RLN2: variants seen among roughly 807,000 people sequenced by gnomAD.
The protein encoded by RLN2 is prorelaxin H2.
In RLN2, 10 loss-of-function variants were observed where a neutral mutation model predicts 7.3. The observed-to-expected ratio is 1.36, with a 90% CI of 0.84 to 2.31. RLN2 has a LOEUF of 2.31. RLN2 is among the 30% of genes most tolerant of loss of function. The pLI, the probability that RLN2 is intolerant of heterozygous loss-of-function variation, is 0.00. For missense variants in RLN2, 298 were observed against 217.6 expected (o/e 1.37, Z -2.32); for synonymous variants, 103 against 82.3 (o/e 1.25, Z -1.36).
chr9:5,319,285 C>A, the RLN2 span, among the ~76,000 whole-genome samples: 3 of 151,870 alleles, frequency 2.0e-5, no homozygotes, highest in Admixed American at 6.6e-5. Flanking sequence ...TCCTGATGAA[C>A]TGAGGGTGAG....
Position 5,300,385 on chromosome 9 carries a change from C to G in RLN2, c.271G>C (p.Val91Leu), listed in dbSNP as rs148022171. The G allele has an allele frequency of 6.1e-4, 980 of 1,612,752 alleles. 1 individual carries two copies. The highest frequency in any genetic ancestry group is 1.7e-3 in the Middle Eastern group (10 of 6,060). The change falls in exon 2 of 2, where the codon GTT (valine) becomes CTT (leucine). Residue 91 changes from valine to leucine, a missense_variant. Val to Leu is a conservative substitution (Grantham distance 32, BLOSUM62 1). Coordinates refer to ENST00000381627, the MANE Select transcript of RLN2 (RefSeq NM_134441.3). ...TETINMMSEFVANLPQELKLT... is the reference protein window; with the variant it reads ...TETINMMSEFLANLPQELKLT... ...TTCAGCTCCTGTGGCAAATTAGCAA[C>G]AAATTCTGACATCATATTTATGGTT...
chr9:5,306,886 T>C (rs1262335617), upstream of RLN2, among the ~76,000 whole-genome samples: 1 of 152,090 alleles, frequency 6.6e-6, no homozygotes, highest in Non-Finnish European at 1.5e-5. Flanking sequence ...CTCTTACAAG[T>C]AGCAGTGTCT....
upstream of RLN2, among the ~76,000 whole-genome samples, chr9:5,306,528 C>T (rs1586935392): frequency 6.6e-6 from 1 of 152,012 alleles, no homozygotes; most frequent in Admixed American, 6.5e-5. Context: ...AGCACATATG[C>T]CAGATGTGGG....
intron 1 of RLN2, among the ~76,000 whole-genome samples, chr9:5,302,675 A>T (rs1816174747): frequency 1.3e-5 from 2 of 152,216 alleles, no homozygotes; most frequent in Admixed American, 6.5e-5. Context: ...TCTATATACA[A>T]ATGTGCTTAA....
the RLN2 span, among the ~76,000 whole-genome samples, chr9:5,334,750 T>C: frequency 6.6e-6 from 1 of 151,972 alleles, no homozygotes; most frequent in African/African-American, 2.4e-5. Flanking sequence ...GGAAAAAAAA[T>C]ACTTGAGTTT....
the RLN2 span, among the ~76,000 whole-genome samples, chr9:5,334,212 A>C: frequency 3.9e-5 from 6 of 152,042 alleles, no homozygotes; most frequent in African/African-American, 1.5e-4. Context: ...TTCGAATAGG[A>C]AGAAAGGTCA....
At chr9:5,331,026 T>C in the RLN2 span, among the ~76,000 whole-genome samples, 1 of 151,904 alleles carries the variant, frequency 6.6e-6, no homozygotes, top group East Asian at 1.9e-4. Flanking sequence ...TGGACATGTA[T>C]ACCCTCCCAA....
At chr9:5,308,530 GTC>G (rs1331734271), upstream of RLN2, among the ~76,000 whole-genome samples, 8 of 151,990 alleles carry the variant, frequency 5.3e-5, no homozygotes, top group Non-Finnish European at 7.4e-5. Context: ...GTGTTCTCCA[GTC>G]TCTGACCATA....
the RLN2 span, chr9:5,335,059 C>T: frequency 1.1e-4 from 52 of 474,650 alleles, no homozygotes; most frequent in Middle Eastern, 1.1e-3. Flanking sequence ...AAAAAGACTT[C>T]AGCATAGAAA....
the RLN2 span, among the ~76,000 whole-genome samples, chr9:5,310,518 C>CT: frequency 6.6e-6 from 1 of 152,010 alleles, no homozygotes; most frequent in East Asian, 1.9e-4. Flanking sequence ...GGTGACAGAT[C>CT]TTTCAGATCC....
At position 5,304,620 on chromosome 9, in the gene RLN2, C is replaced by T. The variant is rs1159793521; in HGVS notation, c.-40G>A. ...CTCCTGGAGGTCGGGACGTTGCAGC[C>T]TTTCAGGACTGCAGCTGCTGTGGCC... On this transcript the variant is annotated 5_prime_UTR_variant, in exon 1 of 2. Coordinates refer to ENST00000381627, the MANE Select transcript of RLN2 (RefSeq NM_134441.3). The T allele has an allele frequency of 1.3e-6, 2 of 1,597,442 alleles. No individual in the cohort carries two copies. The highest frequency in any genetic ancestry group is 8.6e-7 in the Non-Finnish European group (1 of 1,165,496).
upstream of RLN2, among the ~76,000 whole-genome samples, chr9:5,306,102 G>GTTTTTTT (rs57304439): frequency 6.5e-5 from 8 of 123,430 alleles, no homozygotes; most frequent in African/African-American, 2.3e-4. Context: ...CTTTGTTTTT[G>GTTTTTTT]TTTTTTGTTT....
At chr9:5,301,742 G>C (rs1000250481) in intron 1 of RLN2, among the ~76,000 whole-genome samples, 1 of 152,038 alleles carries the variant, frequency 6.6e-6, no homozygotes, top group African/African-American at 2.4e-5. Context: ...GTGGTTCTGG[G>C]GCTGATCATT....
upstream of RLN2, chr9:5,304,921 C>T (rs186646297): frequency 2.1e-4 from 50 of 242,232 alleles, no homozygotes; most frequent in Non-Finnish European, 1.8e-4. Flanking sequence ...GAGGTAAAGT[C>T]ATTTTAGATA....
At chr9:5,325,361 A>T in the RLN2 span, among the ~76,000 whole-genome samples, 1 of 152,066 alleles carries the variant, frequency 6.6e-6, no homozygotes, top group Non-Finnish European at 1.5e-5. Context: ...AAACTAGATT[A>T]TGCTTTTCTA....
upstream of RLN2, chr9:5,304,732 C>T: frequency 1.4e-6 from 1 of 738,410 alleles, no homozygotes; most frequent in South Asian, 1.8e-5. Flanking sequence ...CTTGGGCTAT[C>T]ACTCAGCTTT....
At chr9:5,305,065 G>C (rs1311560984), upstream of RLN2, 4 of 159,174 alleles carry the variant, frequency 2.5e-5, no homozygotes, top group African/African-American at 9.7e-5. Context: ...TTGTAAATTG[G>C]GTTAATTAGT....
At chr9:5,301,651 T>A (rs1298779937) in intron 1 of RLN2, among the ~76,000 whole-genome samples, 2 of 152,052 alleles carry the variant, frequency 1.3e-5, no homozygotes, top group East Asian at 3.9e-4. Context: ...GGGGAGTAAA[T>A]CTAAGTGCGG....
Position 5,301,296 on chromosome 9 carries a change from G to C in RLN2, c.212-852C>G, listed in dbSNP as rs1228374903. Among the ~76,000 whole-genome samples the C allele has an allele frequency of 4.6e-5, 7 of 152,196 alleles. No homozygotes were observed. In the East Asian group the frequency reaches 1.3e-3, roughly 29 times the overall value. ...ATGTGAAGGCTGGGACTTGGGCTGG[G>C]AACCTGCTGGACACCCAGCTGACAT... On this transcript the variant is annotated intron_variant, in intron 1 of 1. Coordinates refer to ENST00000381627, the MANE Select transcript of RLN2 (RefSeq NM_134441.3).
Sources: gnomAD v4.1 joint callset for allele counts (sites outside exome capture counted in the v4.1 genomes callset) on GRCh38, gnomAD v4.1.1 for gene constraint, MANE v1.5 for transcripts, NCBI Gene and HGNC (gene_info 2026-07-23, HGNC 2026-07-21) for gene names.